Variants in CAPN2 observed in about 807,000 individuals in gnomAD.
CAPN2 encodes calpain 2, also known as calpain-2 catalytic subunit.
In CAPN2, 92 loss-of-function variants were observed where a neutral mutation model predicts 102.3. The observed-to-expected ratio is 0.90, with a 90% confidence interval of 0.76 to 1.07. The LOEUF (loss-of-function observed/expected upper bound fraction) is 1.07, where lower values mean the gene tolerates loss of function less well. Ranked by LOEUF, CAPN2 falls within the 50% of genes least tolerant of loss-of-function variation. CAPN2 has a pLI of 0.00. For synonymous variants in CAPN2, 340 were observed against 355.4 expected (o/e 0.96, Z 0.49); for missense variants, 800 against 909.4 (o/e 0.88, Z 1.55).
At chr1:223,730,250 ACATC>A (rs1291231048) in intron 2 of CAPN2, among the ~76,000 whole-genome samples, 1 of 152,050 alleles carries the variant, frequency 6.6e-6, no homozygotes, top group Non-Finnish European at 1.5e-5. Flanking sequence ...GTGATTCTCT[ACATC>A]AAGCTTGTCC....
Position 223,755,364 on chromosome 1 carries a change from C to T in CAPN2, c.1136-116C>T. 2.0e-6 allele frequency: 2 copies of T among 976,872 alleles called. No homozygotes were observed. The highest frequency in any genetic ancestry group is 3.1e-5 in the South Asian group (2 of 63,908). The allele number at this position is 976,872 out of a possible 1,614,324, so 60.5% of individuals were successfully genotyped here. A position where few individuals can be genotyped will look rare whatever the true frequency, so the allele number is the denominator to read the frequency against. On this transcript the variant is annotated intron_variant, in intron 9 of 20. Coordinates refer to ENST00000295006, the MANE Select transcript of CAPN2 (RefSeq NM_001748.5). The surrounding 1 kb of genome is among the most constrained non-coding windows in gnomAD (Gnocchi z 4.1). ...TCTTACCATCTCCCACCACCTCCCA[C>T]CATCTCCCTTTATCTCCATCCCTCT...
In CAPN2 at chr1:223,772,154, T is replaced by C. The variant is rs1389796127; in HGVS notation, c.2021-27T>C. The C allele has an allele frequency of 5.0e-6, 8 of 1,610,064 alleles. No homozygotes were observed. The South Asian group carries it at 7.7e-5, about 15-fold the overall frequency. On this transcript the variant is annotated intron_variant, in intron 19 of 20. Transcript: ENST00000295006. The stretch of plus-strand genomic sequence containing the variant: ...TGATCTGTTTCAGCTCACTCACTTG[T>C]GACACCCTCTTTTTCTCCCTCCACA...
chr1:223,745,490 T>A, intron 4 of CAPN2, 51 bp downstream of exon 4: 1 of 1,606,134 alleles, frequency 6.2e-7, no homozygotes. Context: ...ATGCCCTGGA[T>A]TCCAAAAAAT....
In CAPN2 at chr1:223,775,923, A is replaced by G. The variant is rs2102820779; in HGVS notation, c.*1066A>G. 1 of 152,792 alleles carries G rather than the reference A, an allele frequency of 6.5e-6. No homozygotes were observed. Among genetic ancestry groups the G allele is most frequent in the Non-Finnish European group, 1.5e-5 (1 of 68,036 alleles). 9.5% of individuals were successfully genotyped at this position (152,792 alleles called of 1,614,324 possible). A position where few individuals can be genotyped will look rare whatever the true frequency, so the allele number is the denominator to read the frequency against. ...CACAATTATAGCTTGTTTCTACTTT[A>G]ACAAGGTATGCTGCCTCTGTAAATT... On this transcript the variant is annotated 3_prime_UTR_variant, in exon 21 of 21. Coordinates refer to ENST00000295006, the MANE Select transcript of CAPN2 (RefSeq NM_001748.5).
chr1:223,717,717 C>T (rs1042746523), intron 1 of CAPN2, 45 bp from the exon 2 acceptor site: 2 of 1,518,888 alleles, frequency 1.3e-6, no homozygotes, highest in Admixed American at 1.7e-5. Flanking sequence ...GCTGCAGAAG[C>T]ACCTGGCTGG....
At chr1:223,760,552 G>C (rs905375280) in intron 12 of CAPN2, among the ~76,000 whole-genome samples, 2 of 152,182 alleles carry the variant, frequency 1.3e-5, no homozygotes, top group African/African-American at 4.8e-5. Context: ...ATGGGGGAAG[G>C]GACCTTTCCT....
In CAPN2 at chr1:223,752,040, C is replaced by T. The variant is rs1660915294; in HGVS notation, c.943C>T (p.Leu315=). Residue 315 remains leucine (L), a synonymous_variant, in exon 8 of 21, where the codon CTG becomes TTG. Transcript: ENST00000295006. ...NTIDPEERER[L]TRRHEDGEFW... ...TATAGACCCAGAGGAGAGGGAAAGGCTGACCAGACGGCATGAAGATGGAGA... is the reference window on the plus strand; with the variant it reads ...TATAGACCCAGAGGAGAGGGAAAGGTTGACCAGACGGCATGAAGATGGAGA... 7.4e-6 allele frequency: 12 copies of T among 1,613,322 alleles called. No homozygotes were observed. Among genetic ancestry groups the T allele is most frequent in the Non-Finnish European group, 7.6e-6 (9 of 1,179,366 alleles).
At chr1:223,746,972 G>A (rs763969373) in intron 4 of CAPN2, 25 bp from the exon 5 acceptor site, 23 of 1,601,952 alleles carry the variant, frequency 1.4e-5, no homozygotes, top group Admixed American at 5.0e-5. Context: ...CAAGGGTAGC[G>A]GCAGCGTCTA....
upstream of CAPN2, among the ~76,000 whole-genome samples, chr1:223,709,178 G>A (rs1659677078): frequency 6.6e-6 from 1 of 152,108 alleles, no homozygotes; most frequent in East Asian, 1.9e-4. Context: ...AGGCTTGGGG[G>A]CAAGCAGCAT....
chr1:223,733,520 G>C (rs1558064825), intron 2 of CAPN2, among the ~76,000 whole-genome samples: 1 of 152,146 alleles, frequency 6.6e-6, no homozygotes, highest in Non-Finnish European at 1.5e-5. Context: ...CATAAGGTCT[G>C]TCTGGGAGTG....
Position 223,759,018 on chromosome 1 carries a change from C to T in CAPN2, c.1318-252C>T. ...AGTTTGCTTTTTATCTAAAATGACC[C>T]AGGCATTGTCACTGTACTGCTATTT... On this transcript the variant is annotated intron_variant, in intron 11 of 20. Transcript: ENST00000295006. This position sits in a 1 kb window ranked among gnomAD's most constrained non-coding sequence, Gnocchi z 4.6. The T allele has an allele frequency of 1.9e-6, 1 of 514,158 alleles. No homozygotes were observed. Among genetic ancestry groups the T allele is most frequent in the East Asian group, 3.5e-5 (1 of 28,850 alleles). The allele number at this position is 514,158 out of a possible 1,614,324, so 31.8% of individuals were successfully genotyped here. A position where few individuals can be genotyped will look rare whatever the true frequency, so the allele number is the denominator to read the frequency against.
At chr1:223,705,436 T>C (rs1354633299) in intron 1 of CAPN2, among the ~76,000 whole-genome samples, 2 of 152,176 alleles carry the variant, frequency 1.3e-5, no homozygotes, top group Non-Finnish European at 2.9e-5. Flanking sequence ...CCAGGTGAAC[T>C]TGAGCATATA....
chr1:223,749,295 G>A (rs1290602618), intron 6 of CAPN2, 173 bp downstream of exon 6: 2 of 613,374 alleles, frequency 3.3e-6, no homozygotes, highest in African/African-American at 1.9e-5. Context: ...TTCGCAGCTC[G>A]GGCGCCGGGT....
Position 223,752,840 on chromosome 1 carries a change from T to C in CAPN2, c.1019T>C (p.Ile340Thr), listed in dbSNP as rs2102803883. Residue 340 changes from isoleucine to threonine, a missense_variant, in exon 9 of 21, where the codon ATC (isoleucine) becomes ACC (threonine). Physicochemically the swap from Ile to Thr is moderately conservative, Grantham distance 89. Coordinates refer to ENST00000295006, the MANE Select transcript of CAPN2 (RefSeq NM_001748.5). ...DFLRHYSRLE[I>T]CNLTPDTLTS... Reference sequence around the variant, plus strand: ...CTGAGGCACTATTCCCGCCTGGAGATCTGTAACCTGACCCCAGACACTCTC... The same window carrying C: ...CTGAGGCACTATTCCCGCCTGGAGACCTGTAACCTGACCCCAGACACTCTC... 1 of 1,614,118 alleles carries C rather than the reference T, an allele frequency of 6.2e-7. No homozygotes were observed. The highest frequency in any genetic ancestry group is 8.5e-7 in the Non-Finnish European group (1 of 1,180,014).
chr1:223,744,252 C>A, intron 3 of CAPN2, 34 bp downstream of exon 3: 1 of 1,363,560 alleles, frequency 7.3e-7, no homozygotes, highest in Non-Finnish European at 1.1e-6. Context: ...GGTTCCTCAA[C>A]AGGTCCAGGG....
rs1360790018 is a variant in CAPN2, at chr1:223,775,396, G to A, written c.*539G>A. On this transcript the variant is annotated 3_prime_UTR_variant, in exon 21 of 21. Transcript: ENST00000295006. Reference sequence around the variant, plus strand: ...CTTGTCAAGGCATCTGGAGAGTCCAGGAGAGAAGACTCACCTCTGTCGCTT... The same window carrying A: ...CTTGTCAAGGCATCTGGAGAGTCCAAGAGAGAAGACTCACCTCTGTCGCTT... The A allele has an allele frequency of 6.5e-6, 1 of 154,082 alleles. No individual in the cohort carries two copies. Among genetic ancestry groups the A allele is most frequent in the Non-Finnish European group, 1.4e-5 (1 of 69,232 alleles). The allele number at this position is 154,082 out of a possible 1,614,324, so 9.5% of individuals were successfully genotyped here.
chr1:223,773,429 C>A (rs1323494417), intron 20 of CAPN2, among the ~76,000 whole-genome samples: 1 of 151,830 alleles, frequency 6.6e-6, no homozygotes, highest in Non-Finnish European at 1.5e-5. Context: ...CGCGGTGGCT[C>A]ACATCTATAA....
intron 12 of CAPN2, among the ~76,000 whole-genome samples, chr1:223,760,490 G>A (rs1006251322): frequency 2.6e-4 from 40 of 152,310 alleles, no homozygotes; most frequent in African/African-American, 9.1e-4. Flanking sequence ...ACCATAGCAC[G>A]GCTGTAGCCC....
chr1:223,751,001 C>G, intron 7 of CAPN2, 26 bp downstream of exon 7: 1 of 1,538,712 alleles, frequency 6.5e-7, no homozygotes, highest in Non-Finnish European at 8.8e-7. Flanking sequence ...GCCTCGGGGC[C>G]CCAGGCGGGG....
Sources: allele counts gnomAD v4.1 joint callset (sites outside exome capture counted in the v4.1 genomes callset), GRCh38; gene constraint gnomAD v4.1.1; non-coding constraint Gnocchi (gnomAD v3.1); transcripts MANE v1.5; gene names NCBI Gene and HGNC (gene_info 2026-07-23, HGNC 2026-07-21).